HPGD: variants seen among roughly 807,000 people sequenced by gnomAD.
HPGD encodes the protein 15-hydroxyprostaglandin dehydrogenase [NAD(+)].
HPGD carries 29 observed loss-of-function variants against 30.0 expected under a neutral mutation model. The observed-to-expected ratio is 0.97, with a 90% CI of 0.72 to 1.32. The LOEUF is 1.32. Among genes scored for constraint, HPGD ranks in the 40% most tolerant of loss-of-function variants. The pLI, the probability that HPGD is intolerant of heterozygous loss-of-function variation, is 0.00. For missense variants in HPGD, 340 were observed against 322.1 expected, an observed-to-expected ratio of 1.06 and a Z score of -0.43; for synonymous variants, 99 against 112.4, an observed-to-expected ratio of 0.88 and a Z score of 0.75.
intron 4 of HPGD, among the ~76,000 whole-genome samples, chr4:174,504,546 G>A (rs1452562073): frequency 1.3e-5 from 2 of 151,736 alleles, no homozygotes; most frequent in East Asian, 1.9e-4. Flanking sequence ...TAAGAACTGC[G>A]CCTGTAATCC....
chr4:174,495,419 T>C (rs1209237335), intron 5 of HPGD, 129 bp downstream of exon 5: 3 of 718,168 alleles, frequency 4.2e-6, no homozygotes, highest in Non-Finnish European at 7.5e-6. Context: ...TTTTTATAAT[T>C]GAGATGGAGG....
At chr4:174,508,942 A>T in intron 3 of HPGD, 150 bp from the exon 4 acceptor site, 1 of 662,288 alleles carries the variant, frequency 1.5e-6, no homozygotes. Flanking sequence ...TTGTTTTTAA[A>T]GTTAGTCATT....
At position 174,522,062 on chromosome 4, in the gene HPGD, C is replaced by T. The variant is rs762987137; in HGVS notation, c.99G>A (p.Ala33=). The T allele has an allele frequency of 1.9e-6, 3 of 1,614,232 alleles. No individual in the cohort carries two copies. Among genetic ancestry groups the T allele is most frequent in the Non-Finnish European group, 2.5e-6 (3 of 1,180,044 alleles). The change falls in exon 2 of 7, where the codon GCG becomes GCA. Residue 33 remains alanine, a synonymous_variant. Transcript: ENST00000296522. ...EALLLKGAKV[A]LVDWNLEAGV... is the part of the protein sequence containing the mutation. ...CTGCTTCAAGATTCCAATCCACCAGCGCTACCTATAGACAAGAGGAGAGGA... is the reference window on the plus strand; with the variant it reads ...CTGCTTCAAGATTCCAATCCACCAGTGCTACCTATAGACAAGAGGAGAGGA...
chr4:174,493,219 T>G lies in HPGD; in HGVS notation c.594A>C (p.Glu198Asp), dbSNP rs762058274. Residue 198 changes from glutamate to aspartate, a missense_variant, in exon 6 of 7, where the codon GAA (glutamate) becomes GAC (aspartate). Transcript: ENST00000296522. ...TATATTCTATATATTGTCCCATGTTTTCTTCTTTTTCAATTGATTCAAGGA... is the reference window on the plus strand; with the variant it reads ...TATATTCTATATATTGTCCCATGTTGTCTTCTTTTTCAATTGATTCAAGGA... ...TAILESIEKE[E>D]NMGQYIEYKD... 6.2e-7 allele frequency: 1 copy of G among 1,610,904 alleles called. No homozygotes were observed. The highest frequency in any genetic ancestry group is 1.1e-5 in the South Asian group (1 of 90,990).
chr4:174,505,372 C>G (rs1039962710), intron 4 of HPGD, among the ~76,000 whole-genome samples: 4 of 152,094 alleles, frequency 2.6e-5, no homozygotes, highest in Non-Finnish European at 4.4e-5. Context: ...AAAAAAAAAT[C>G]TGTGAGGAAG....
chr4:174,521,590 A>G (rs567898347), intron 2 of HPGD, among the ~76,000 whole-genome samples: 3 of 152,362 alleles, frequency 2.0e-5, no homozygotes, highest in South Asian at 4.1e-4. Flanking sequence ...TTGTTTGTCA[A>G]CAGTACCTTA....
chr4:174,500,365 G>A (rs759553065), intron 4 of HPGD, among the ~76,000 whole-genome samples: 5 of 152,204 alleles, frequency 3.3e-5, no homozygotes, highest in African/African-American at 4.8e-5. Context: ...TCTTTCAAAA[G>A]TAAACATGCA....
Position 174,495,534 on chromosome 4 carries a change from TG to T in HPGD, c.498+13del. 6.3e-7 allele frequency: 1 copy of T among 1,586,530 alleles called. No homozygotes were observed. The highest frequency in any genetic ancestry group is 1.1e-5 in the South Asian group (1 of 90,592). The stretch of plus-strand genomic sequence containing the variant: ...CAAAGAGAAAATGAGATATGACGGT[TG>T]TTGTAGCCTCACCGCTGCTGAGCGT... On this transcript the variant is annotated intron_variant, in intron 5 of 6. Transcript: ENST00000296522.
At chr4:174,497,568 CTTTTTTTT>C (rs778825547) in intron 4 of HPGD, among the ~76,000 whole-genome samples, 530 of 51,058 alleles carry the variant, frequency 0.01, 5 homozygotes, top group African/African-American at 0.034. Context: ...CTTTTTCTTT[CTTTTTTTT>C]TTTTTTTTTT....
chr4:174,491,898 A>G lies in HPGD; in HGVS notation c.*58T>C. 4 of 1,409,708 alleles carry G rather than the reference A, an allele frequency of 2.8e-6. No homozygotes were observed. Among genetic ancestry groups the G allele is most frequent in the Non-Finnish European group, 4.0e-6 (4 of 995,648 alleles). 87.3% of individuals were successfully genotyped at this position (1,409,708 alleles called of 1,614,324 possible). A position where few individuals can be genotyped will look rare whatever the true frequency, so the allele number is the denominator to read the frequency against. On this transcript the variant is annotated 3_prime_UTR_variant, in exon 7 of 7. Transcript: ENST00000296522. Reference sequence around the variant, plus strand: ...TTAAAAGCTATATTCAAATGAAGATAGGATCTGAATATAAGCTATTTGTGC... The same window carrying G: ...TTAAAAGCTATATTCAAATGAAGATGGGATCTGAATATAAGCTATTTGTGC...
chr4:174,500,313 A>C (rs11133041), intron 4 of HPGD, among the ~76,000 whole-genome samples: 1 of 152,092 alleles, frequency 6.6e-6, no homozygotes, highest in African/African-American at 2.4e-5. Flanking sequence ...GCTGGTGCGA[A>C]TGCAAAATGG....
chr4:174,506,640 G>T (rs567337566), intron 4 of HPGD: 68 of 152,282 alleles, frequency 4.5e-4, no homozygotes, highest in African/African-American at 1.6e-3. Flanking sequence ...TTGTTGTGAG[G>T]ATTAAATGAG....
chr4:174,517,443 C>A (rs1444892375), intron 3 of HPGD, among the ~76,000 whole-genome samples: 1 of 152,020 alleles, frequency 6.6e-6, no homozygotes, highest in African/African-American at 2.4e-5. Context: ...CTGTAAAGGG[C>A]CAGATTGTAA....
chr4:174,517,183 G>C (rs1486134223), intron 3 of HPGD, among the ~76,000 whole-genome samples: 1 of 152,050 alleles, frequency 6.6e-6, no homozygotes, highest in Non-Finnish European at 1.5e-5. Context: ...TATAGAATGA[G>C]GTAACCCATA....
chr4:174,493,087 T>C (rs1734417907), intron 6 of HPGD, 64 bp downstream of exon 6: 2 of 1,396,210 alleles, frequency 1.4e-6, no homozygotes, highest in Non-Finnish European at 2.0e-6. Context: ...CTTCCCTTTT[T>C]ATAGCTTATC....
chr4:174,520,790 C>A (rs963724260), intron 2 of HPGD, among the ~76,000 whole-genome samples: 18 of 152,176 alleles, frequency 1.2e-4, no homozygotes, highest in African/African-American at 4.3e-4. Flanking sequence ...ATATCATGTG[C>A]AATCAACATA....
At chr4:174,521,514 T>C (rs886742497) in intron 2 of HPGD, among the ~76,000 whole-genome samples, 1 of 152,254 alleles carries the variant, frequency 6.6e-6, no homozygotes, top group East Asian at 1.9e-4. Context: ...ACTTGTATTC[T>C]GATATGTTTA....
chr4:174,518,915 T>C (rs566546695), intron 2 of HPGD, among the ~76,000 whole-genome samples: 1 of 152,304 alleles, frequency 6.6e-6, no homozygotes, highest in South Asian at 2.1e-4. Context: ...TTTTACACTA[T>C]GGATAAAAAT....
Position 174,508,727 on chromosome 4 carries a change from G to C in HPGD, c.390C>G (p.Gly130=). ...AAGATGACATATTGATAATGATGCC[G>C]CCTTCACCTCCATTTTGCTTACTCA... The part of the protein sequence containing the change: ...DYMSKQNGGE[G]GIIINMSSLA... Residue 130 remains glycine (G), a synonymous_variant, in exon 4 of 7, where the codon GGC becomes GGG. Coordinates refer to ENST00000296522, the MANE Select transcript of HPGD (RefSeq NM_000860.6). The C allele has an allele frequency of 6.2e-7, 1 of 1,607,992 alleles. No individual in the cohort carries two copies.
Sources: allele counts gnomAD v4.1 joint callset (sites outside exome capture counted in the v4.1 genomes callset), GRCh38; gene constraint gnomAD v4.1.1; transcripts MANE v1.5; gene names NCBI Gene and HGNC (gene_info 2026-07-23, HGNC 2026-07-21).